The following KIAA0319 variants were observed in gnomAD, a reference collection of about 807,000 sequenced individuals.
The protein encoded by KIAA0319 is KIAA0319, also known as dyslexia-associated protein KIAA0319.
KIAA0319 carries 83 observed loss-of-function variants against 108.4 expected under a neutral mutation model. The ratio of observed to expected loss-of-function variants is 0.77; its 90% CI spans 0.64 to 0.92. The LOEUF is 0.92. Among genes scored for constraint, KIAA0319 ranks in the 40% least tolerant of loss-of-function variants. The probability of loss-of-function intolerance (pLI) is 0.00; values close to 1 mark genes in which losing one functional copy is unlikely to be tolerated. For synonymous variants in KIAA0319, 484 were observed against 510.4 expected, an observed-to-expected ratio of 0.95 and a Z score of 0.70; for missense variants, 1,195 against 1,322.4, an observed-to-expected ratio of 0.90 and a Z score of 1.49.
At chr6:24,554,990 T>C (rs1762083731) in intron 18 of KIAA0319, among the ~76,000 whole-genome samples, 1 of 152,090 alleles carries the variant, frequency 6.6e-6, no homozygotes. Flanking sequence ...ATGCCAAAAA[T>C]CACAACCCCT....
At chr6:24,541,440 A>G (rs1261111627), downstream of KIAA0319, among the ~76,000 whole-genome samples, 3 of 152,350 alleles carry the variant, frequency 2.0e-5, no homozygotes, top group East Asian at 1.9e-4. Flanking sequence ...TAAAGGCTCT[A>G]TCTCCAAATA....
At chr6:24,592,928 C>T (rs943980801) in intron 3 of KIAA0319, among the ~76,000 whole-genome samples, 6 of 151,988 alleles carry the variant, frequency 3.9e-5, no homozygotes, top group Admixed American at 6.6e-5. Context: ...GCTGAGATCA[C>T]GCTGCTCCAC....
chr6:24,580,008 C>T (rs1172089880), intron 7 of KIAA0319, 58 bp from the exon 8 acceptor site: 2 of 1,295,974 alleles, frequency 1.5e-6, no homozygotes, highest in Admixed American at 4.2e-5. Context: ...ATGTCATTAC[C>T]CACATAAAAT....
chr6:24,630,095 C>T (rs1775321036), intron 1 of KIAA0319, among the ~76,000 whole-genome samples: 1 of 152,122 alleles, frequency 6.6e-6, no homozygotes, highest in South Asian at 2.1e-4. Flanking sequence ...AGGAGAATTG[C>T]TTGAACCTGG....
At chr6:24,584,335 T>G (rs1156443135) in intron 4 of KIAA0319, among the ~76,000 whole-genome samples, 1 of 151,950 alleles carries the variant, frequency 6.6e-6, no homozygotes, top group East Asian at 1.9e-4. Context: ...ATTGATATAT[T>G]CATAAATTCT....
chr6:24,605,077 G>A lies in KIAA0319; in HGVS notation c.-105-3869C>T, dbSNP rs142588055. On this transcript the variant is annotated intron_variant, in intron 1 of 20. Transcript: ENST00000378214. ...GCTGGTCTCGATCTCCTGACCTCAG[G>A]TGATCCACCCGCCTTGGCCTCCCAA... Among the ~76,000 whole-genome samples the A allele has an allele frequency of 6.4e-3, 974 of 152,264 alleles. 7 individuals are homozygous for A. The highest frequency in any genetic ancestry group is 0.024 in the Middle Eastern group (7 of 294).
At chr6:24,553,439 G>A (rs1247768826) in intron 19 of KIAA0319, among the ~76,000 whole-genome samples, 1 of 151,222 alleles carries the variant, frequency 6.6e-6, no homozygotes, top group Non-Finnish European at 1.5e-5. Flanking sequence ...TTAGGCCTCA[G>A]AAAACAGAAT....
chr6:24,561,805 C>A lies in KIAA0319; in HGVS notation c.2591+1554G>T, dbSNP rs186803801. Among the ~76,000 whole-genome samples, 408 of 152,198 alleles carry A rather than the reference C, an allele frequency of 2.7e-3. 1 individual carries two copies. The highest frequency in any genetic ancestry group is 4.5e-3 in the Non-Finnish European group (305 of 68,010). On this transcript the variant is annotated intron_variant, in intron 16 of 20. Coordinates refer to ENST00000378214, the MANE Select transcript of KIAA0319 (RefSeq NM_014809.4). ...GCAACCTCTGCCTCCTAGGTTCAAG[C>A]AATTATCCTGCCTCAGCCTCTTGAG... is the stretch of plus-strand genomic sequence containing the variant.
At chr6:24,641,380 A>T (rs1776882402) in intron 1 of KIAA0319, among the ~76,000 whole-genome samples, 2 of 151,746 alleles carry the variant, frequency 1.3e-5, no homozygotes, top group Non-Finnish European at 3.0e-5. Context: ...AGGTAACCCT[A>T]GAAGGAGATT....
chr6:24,583,684 G>A lies in KIAA0319; in HGVS notation c.1013C>T (p.Ser338Leu), dbSNP rs766395204. The change falls in exon 5 of 21, where the codon TCG becomes TTG. Residue 338 changes from serine to leucine, a missense_variant. Transcript: ENST00000378214. ...AGTTATAATTAGGTTATCTCCAGCC[G>A]ATACCGTAAGTTCTTTCACTAAAAG... Reference protein sequence around the residue: ...APRTVKELTVSAGDNLIITLP... With the variant: ...APRTVKELTVLAGDNLIITLP... 17 of 1,611,186 alleles carry A rather than the reference G, an allele frequency of 1.1e-5. No homozygotes were observed. Among genetic ancestry groups the A allele is most frequent in the Middle Eastern group, 1.6e-4 (1 of 6,068 alleles).
intron 18 of KIAA0319, 103 bp downstream of exon 18, chr6:24,556,504 T>C: frequency 7.7e-7 from 1 of 1,303,070 alleles, no homozygotes; most frequent in Admixed American, 2.1e-5. Context: ...AGTCTCACTA[T>C]GTTGCCCAGG....
At chr6:24,559,348 A>G (rs1762775357) in intron 16 of KIAA0319, among the ~76,000 whole-genome samples, 193 bp from the exon 17 acceptor site, 1 of 152,250 alleles carries the variant, frequency 6.6e-6, no homozygotes, top group African/African-American at 2.4e-5. Flanking sequence ...GTCTCAACGT[A>G]CAGCTGATCA....
chr6:24,593,629 C>T (rs1358612403), intron 3 of KIAA0319, among the ~76,000 whole-genome samples: 1 of 151,312 alleles, frequency 6.6e-6, no homozygotes, highest in Non-Finnish European at 1.5e-5. Flanking sequence ...TCTCAATTTC[C>T]TGACCTCGTG....
intron 20 of KIAA0319, among the ~76,000 whole-genome samples, chr6:24,549,261 G>C (rs1761082687): frequency 6.9e-6 from 1 of 145,906 alleles, no homozygotes; most frequent in Admixed American, 7.1e-5. Flanking sequence ...GGGAGGCAGA[G>C]GTTGCAGTGA....
chr6:24,584,170 T>G (rs1450328308), intron 4 of KIAA0319, among the ~76,000 whole-genome samples: 1 of 152,148 alleles, frequency 6.6e-6, no homozygotes, highest in African/African-American at 2.4e-5. Flanking sequence ...AATGGCCTTG[T>G]ACTTGGAACC....
chr6:24,639,964 TAATG>T (rs1228658969), intron 1 of KIAA0319, among the ~76,000 whole-genome samples: 2 of 151,566 alleles, frequency 1.3e-5, no homozygotes, highest in Non-Finnish European at 2.9e-5. Flanking sequence ...TGTCAAATAA[TAATG>T]AAGTGAAAGA....
At chr6:24,592,807 C>T (rs1052887198) in intron 3 of KIAA0319, among the ~76,000 whole-genome samples, 2 of 152,048 alleles carry the variant, frequency 1.3e-5, no homozygotes, top group African/African-American at 4.8e-5. Context: ...CCCATCTCTA[C>T]CAAAAACATA....
chr6:24,586,933 T>C (rs1414491157), intron 4 of KIAA0319, among the ~76,000 whole-genome samples: 1 of 152,006 alleles, frequency 6.6e-6, no homozygotes, highest in African/African-American at 2.4e-5. Flanking sequence ...TAGAACAATG[T>C]CCCCAAAGTT....
rs1218300710 is a variant in KIAA0319, at chr6:24,601,224, A to C, written c.-105-16T>G. On this transcript the variant is annotated splice_polypyrimidine_tract_variant and intron_variant, in intron 1 of 20. Coordinates refer to ENST00000378214, the MANE Select transcript of KIAA0319 (RefSeq NM_014809.4). Reference sequence around the variant, plus strand: ...GCCTCAAGAACTTCAAAGGAAAAACATAAAAGAGGAAGGAAGAAAAGAATA... The same window carrying C: ...GCCTCAAGAACTTCAAAGGAAAAACCTAAAAGAGGAAGGAAGAAAAGAATA... 4 of 1,538,244 alleles carry C rather than the reference A, an allele frequency of 2.6e-6. No homozygotes were observed. The highest frequency in any genetic ancestry group is 3.5e-6 in the Non-Finnish European group (4 of 1,145,106).
Sources: allele counts gnomAD v4.1 joint callset (sites outside exome capture counted in the v4.1 genomes callset), GRCh38; gene constraint gnomAD v4.1.1; transcripts MANE v1.5; gene names NCBI Gene and HGNC (gene_info 2026-07-23, HGNC 2026-07-21).